The following SOX6 variants were observed in gnomAD, a reference collection of about 807,000 sequenced individuals.
SOX6 encodes the protein SRY-box transcription factor 6.
In SOX6, 11 loss-of-function variants were observed where a neutral mutation model predicts 97.8. That is an observed-to-expected ratio of 0.11 (90% CI 0.07 to 0.19). The LOEUF (loss-of-function observed/expected upper bound fraction) is 0.19. SOX6 is among the 10% of genes least tolerant of loss of function. SOX6 has a pLI of 1.00. For synonymous variants in SOX6, 360 were observed against 371.4 expected (o/e 0.97, Z 0.35); for missense variants, 810 against 1,039.5 (o/e 0.78, Z 3.04).
chr11:16,224,760 A>G (rs1465857223), intron 4 of SOX6, among the ~76,000 whole-genome samples: 28 of 152,146 alleles, frequency 1.8e-4, no homozygotes, highest in Non-Finnish European at 1.5e-5. Flanking sequence ...TGCAATAATT[A>G]CTCACTATTG....
At chr11:16,119,167 T>C (rs1005459232) in intron 6 of SOX6, among the ~76,000 whole-genome samples, 1 of 152,058 alleles carries the variant, frequency 6.6e-6, no homozygotes, top group Admixed American at 6.6e-5. Context: ...GCAAAAGAAA[T>C]GAAGTCCCCA....
intron 12 of SOX6, among the ~76,000 whole-genome samples, chr11:16,040,169 A>G (rs1855622131): frequency 6.6e-6 from 1 of 151,880 alleles, no homozygotes; most frequent in Non-Finnish European, 1.5e-5. Flanking sequence ...ACATGTATAA[A>G]TAAAACTCAA....
intron 1 of SOX6, among the ~76,000 whole-genome samples, chr11:16,468,035 T>C (rs1418547652): frequency 6.6e-6 from 1 of 152,196 alleles, no homozygotes; most frequent in Non-Finnish European, 1.5e-5. Flanking sequence ...TAGAAACAAG[T>C]TCAGAAAGCA....
intron 3 of SOX6, among the ~76,000 whole-genome samples, chr11:16,674,982 T>C (rs973507857): frequency 4.6e-5 from 7 of 152,072 alleles, no homozygotes; most frequent in African/African-American, 1.4e-4. Context: ...AGCATCCAAA[T>C]TGGAAACGAC....
chr11:16,254,322 T>C (rs1190565294), intron 3 of SOX6, among the ~76,000 whole-genome samples: 2 of 152,084 alleles, frequency 1.3e-5, no homozygotes, highest in Non-Finnish European at 2.9e-5. Context: ...GATCTAGAGA[T>C]AAGTTTGTTC....
intron 2 of SOX6, among the ~76,000 whole-genome samples, chr11:16,322,427 C>G (rs1244035604): frequency 6.6e-6 from 1 of 152,144 alleles, no homozygotes; most frequent in Non-Finnish European, 1.5e-5. Flanking sequence ...GAGGCCTCCC[C>G]AGCCATGCTT....
chr11:16,393,994 T>A (rs965139216), intron 1 of SOX6, among the ~76,000 whole-genome samples: 6 of 151,916 alleles, frequency 3.9e-5, no homozygotes, highest in African/African-American at 1.4e-4. Context: ...AAGGTTTCAG[T>A]CCTGGCTTTT....
At chr11:16,283,124 G>A (rs1854626018) in intron 3 of SOX6, among the ~76,000 whole-genome samples, 1 of 89,456 alleles carries the variant, frequency 1.1e-5, no homozygotes. Flanking sequence ...TGACTCTGCT[G>A]AGGGTCAAAG....
chr11:15,995,647 G>A (rs1854201730), intron 13 of SOX6, among the ~76,000 whole-genome samples: 1 of 152,076 alleles, frequency 6.6e-6, no homozygotes, highest in African/African-American at 2.4e-5. Flanking sequence ...GACATTCAGG[G>A]AAATGCAGGC....
At chr11:16,683,592 G>A (rs1836722268) in intron 3 of SOX6, among the ~76,000 whole-genome samples, 1 of 152,128 alleles carries the variant, frequency 6.6e-6, no homozygotes, top group South Asian at 2.1e-4. Context: ...ACTCAAGATG[G>A]ATTAAAGACT....
intron 12 of SOX6, chr11:16,023,361 C>G (rs1280109788): frequency 6.6e-6 from 1 of 152,120 alleles, no homozygotes; most frequent in Admixed American, 6.6e-5. Flanking sequence ...ATACTAGGCT[C>G]TCTGGTTGTT....
chr11:16,029,593 A>C (rs1231781650), intron 12 of SOX6, among the ~76,000 whole-genome samples: 1 of 151,752 alleles, frequency 6.6e-6, no homozygotes, highest in Non-Finnish European at 1.5e-5. Context: ...CAGAGATCGA[A>C]CCACTGAACT....
chr11:16,260,366 G>A (rs941089198), intron 3 of SOX6, among the ~76,000 whole-genome samples: 5 of 151,978 alleles, frequency 3.3e-5, no homozygotes, highest in Non-Finnish European at 1.5e-5. Context: ...AGTAATATAT[G>A]TTATATTGTG....
At chr11:16,509,273 C>T (rs1049133240) in intron 4 of SOX6, among the ~76,000 whole-genome samples, 1 of 151,784 alleles carries the variant, frequency 6.6e-6, no homozygotes, top group Non-Finnish European at 1.5e-5. Flanking sequence ...GATCTTGACA[C>T]ATATTATTTA....
intron 3 of SOX6, among the ~76,000 whole-genome samples, chr11:16,619,486 T>C (rs1590013532): frequency 6.6e-6 from 1 of 152,062 alleles, no homozygotes; most frequent in Admixed American, 6.5e-5. Context: ...TTGGTTATTA[T>C]CCACGATGTC....
intron 1 of SOX6, among the ~76,000 whole-genome samples, chr11:16,471,871 C>T (rs932280886): frequency 1.3e-4 from 20 of 152,290 alleles, no homozygotes; most frequent in Non-Finnish European, 2.6e-4. Context: ...TGTAAATTCT[C>T]AAGACCAGAA....
intron 4 of SOX6, among the ~76,000 whole-genome samples, chr11:16,230,221 A>T (rs1032699642): frequency 6.6e-6 from 1 of 151,840 alleles, no homozygotes; most frequent in African/African-American, 2.4e-5. Flanking sequence ...TGAAATATTA[A>T]AAACAATTCC....
intron 3 of SOX6, chr11:16,283,708 C>G: frequency 4.5e-6 from 1 of 221,166 alleles, no homozygotes. Flanking sequence ...GAAATTATCT[C>G]AAGTGAAGGA....
chr11:16,319,291 G>A (rs568719233), intron 2 of SOX6, among the ~76,000 whole-genome samples: 20 of 152,260 alleles, frequency 1.3e-4, no homozygotes, highest in African/African-American at 4.8e-4. Flanking sequence ...AGTTACAGAA[G>A]TCTCTTTCTA....
Sources: allele counts gnomAD v4.1 joint callset (sites outside exome capture counted in the v4.1 genomes callset), GRCh38; gene constraint gnomAD v4.1.1; transcripts MANE v1.5; gene names NCBI Gene and HGNC (gene_info 2026-07-23, HGNC 2026-07-21).